GBE1: variants seen among roughly 807,000 people sequenced by gnomAD.
GBE1 encodes the protein 1,4-alpha-glucan-branching enzyme.
A neutral mutation model predicts 88.8 loss-of-function variants in GBE1; 70 were observed. The observed-to-expected ratio is 0.79, with a 90% CI of 0.65 to 0.96. GBE1 has a LOEUF of 0.96. Among genes scored for constraint, GBE1 ranks in the 40% least tolerant of loss-of-function variants. GBE1 has a pLI of 0.00. For synonymous variants in GBE1, 284 were observed against 300.1 expected, an observed-to-expected ratio of 0.95 and a Z score of 0.56; for missense variants, 872 against 871.0, an observed-to-expected ratio of 1.00 and a Z score of -0.01.
intron 7 of GBE1, among the ~76,000 whole-genome samples, chr3:81,601,804 T>G (rs1361940260): frequency 6.6e-6 from 1 of 152,204 alleles, no homozygotes; most frequent in Non-Finnish European, 1.5e-5. Flanking sequence ...ATCCCTTTTT[T>G]AAATTCAGCA....
chr3:81,581,236 C>G lies in GBE1; in HGVS notation c.1375G>C (p.Asp459His). The change falls in exon 11 of 16, where the codon GAT becomes CAT. Residue 459 changes from aspartate to histidine, a missense_variant. Transcript: ENST00000429644. ...CTGTTTGTGAGCGTGTATACTATAT[C>G]GCCCATGTTCCAGTCTTCATCTTTA... ...EFKDEDWNMG[D>H]IVYTLTNRRY... The G allele has an allele frequency of 6.2e-7, 1 of 1,601,018 alleles. No homozygotes were observed. Among genetic ancestry groups the G allele is most frequent in the Non-Finnish European group, 8.5e-7 (1 of 1,174,886 alleles).
At chr3:81,573,775 C>CTCTGTGTGTG (rs537918861) in intron 12 of GBE1, among the ~76,000 whole-genome samples, 12 of 148,788 alleles carry the variant, frequency 8.1e-5, no homozygotes, top group Admixed American at 1.3e-4. Context: ...CTCTCTCTCT[C>CTCTGTGTGTG]TGTGTGTGTG....
At chr3:81,552,481 C>T (rs1018668321) in intron 12 of GBE1, among the ~76,000 whole-genome samples, 2 of 136,282 alleles carry the variant, frequency 1.5e-5, no homozygotes, top group Non-Finnish European at 3.1e-5. Flanking sequence ...TGTGCCACTG[C>T]ACTCCAGCCT....
Position 81,648,995 on chromosome 3 carries a change from C to T in GBE1, c.556-4G>A, listed in dbSNP as rs377175400. 6 of 1,554,214 alleles carry T rather than the reference C, an allele frequency of 3.9e-6. No individual in the cohort carries two copies. In the East Asian group the frequency reaches 9.2e-5, roughly 24 times the overall value. Reference sequence around the variant, plus strand: ...TCTTTGGTCTGGAATGCTTAAACTACAGAATATAAAATTATGTATAGAGTT... The same window carrying T: ...TCTTTGGTCTGGAATGCTTAAACTATAGAATATAAAATTATGTATAGAGTT... On this transcript the variant is annotated splice_region_variant and splice_polypyrimidine_tract_variant and intron_variant, in intron 4 of 15. Coordinates refer to ENST00000429644, the MANE Select transcript of GBE1 (RefSeq NM_000158.4).
At chr3:81,586,016 A>C in intron 10 of GBE1, 76 bp downstream of exon 10, 1 of 820,910 alleles carries the variant, frequency 1.2e-6, no homozygotes, top group South Asian at 1.7e-5. Context: ...TAATGATTAC[A>C]ACTAAGAAAT....
At chr3:81,668,594 CA>C (rs1478333977) in intron 3 of GBE1, among the ~76,000 whole-genome samples, 1 of 151,874 alleles carries the variant, frequency 6.6e-6, no homozygotes, top group Non-Finnish European at 1.5e-5. Context: ...GCTAACAAAG[CA>C]AAAAAATCGA....
intron 7 of GBE1, among the ~76,000 whole-genome samples, chr3:81,601,394 T>A (rs1250052558): frequency 6.6e-6 from 1 of 152,202 alleles, no homozygotes; most frequent in Non-Finnish European, 1.5e-5. Context: ...TCAGCATGAC[T>A]ACATTAAAAA....
chr3:81,731,097 T>A (rs1379325705), intron 1 of GBE1, among the ~76,000 whole-genome samples: 1 of 152,144 alleles, frequency 6.6e-6, no homozygotes, highest in Non-Finnish European at 1.5e-5. Context: ...ACATCTTTAA[T>A]TTTACATCTT....
chr3:81,629,859 C>A (rs1704480703), intron 7 of GBE1, among the ~76,000 whole-genome samples: 1 of 149,516 alleles, frequency 6.7e-6, no homozygotes, highest in Admixed American at 6.7e-5. Context: ...AATGCTATCC[C>A]TCCCGCCTCC....
chr3:81,705,722 T>C (rs1705766337), intron 1 of GBE1, 109 bp from the exon 2 acceptor site: 1 of 611,586 alleles, frequency 1.6e-6, no homozygotes, highest in Non-Finnish European at 2.6e-6. Flanking sequence ...AAAGACATTA[T>C]TAAAGAAGAA....
chr3:81,551,338 C>T (rs557280701), intron 12 of GBE1, among the ~76,000 whole-genome samples: 4 of 151,898 alleles, frequency 2.6e-5, no homozygotes, highest in Admixed American at 2.0e-4. Flanking sequence ...GGGTGCTGGA[C>T]AAGAGGGATC....
At chr3:81,741,806 C>T (rs1706352652) in intron 1 of GBE1, among the ~76,000 whole-genome samples, 1 of 147,656 alleles carries the variant, frequency 6.8e-6, no homozygotes, top group South Asian at 2.1e-4. Flanking sequence ...TTATACTCTA[C>T]ATAATATAGA....
chr3:81,750,653 A>ATATG (rs1706510061), intron 1 of GBE1, among the ~76,000 whole-genome samples: 1 of 62,046 alleles, frequency 1.6e-5, no homozygotes, highest in South Asian at 3.8e-4. Flanking sequence ...ATGTATATAT[A>ATATG]TATATGTATA....
intron 1 of GBE1, among the ~76,000 whole-genome samples, chr3:81,724,271 T>C (rs1185317632): frequency 1.3e-5 from 2 of 152,208 alleles, no homozygotes; most frequent in African/African-American, 4.8e-5. Flanking sequence ...TAAGTGGAAC[T>C]AGGTTTGTCT....
At chr3:81,720,843 CAT>C (rs1396659726) in intron 1 of GBE1, among the ~76,000 whole-genome samples, 3 of 148,944 alleles carry the variant, frequency 2.0e-5, no homozygotes, top group South Asian at 4.3e-4. Context: ...AAATGTGGCA[CAT>C]ATACACCATG....
chr3:81,735,932 CACG>C (rs1706251932), intron 1 of GBE1, among the ~76,000 whole-genome samples: 1 of 152,032 alleles, frequency 6.6e-6, no homozygotes, highest in Non-Finnish European at 1.5e-5. Context: ...ACCAATTAGC[CACG>C]ACCACTAAAG....
intron 5 of GBE1, among the ~76,000 whole-genome samples, 181 bp from the exon 6 acceptor site, chr3:81,646,663 G>C (rs1235132724): frequency 6.6e-6 from 1 of 152,112 alleles, no homozygotes; most frequent in African/African-American, 2.4e-5. Flanking sequence ...ACATTGGATA[G>C]TCTCTTAGAG....
chr3:81,661,483 T>C (rs534354379), intron 3 of GBE1, among the ~76,000 whole-genome samples: 2 of 152,320 alleles, frequency 1.3e-5, no homozygotes, highest in African/African-American at 4.8e-5. Context: ...TAAACACTTG[T>C]TGAGATTGAT....
intron 14 of GBE1, among the ~76,000 whole-genome samples, chr3:81,515,295 AAT>A (rs1175397396): frequency 5.3e-5 from 8 of 151,432 alleles, no homozygotes; most frequent in Non-Finnish European, 7.4e-5. Flanking sequence ...AATATATATT[AAT>A]ATATGATTGT....
Sources: gnomAD v4.1 joint callset for allele counts (sites outside exome capture counted in the v4.1 genomes callset) on GRCh38, gnomAD v4.1.1 for gene constraint, MANE v1.5 for transcripts, NCBI Gene and HGNC (gene_info 2026-07-23, HGNC 2026-07-21) for gene names.